ZW10: variants seen among roughly 807,000 people sequenced by gnomAD.
ZW10 encodes zw10 kinetochore protein, also known as centromere/kinetochore protein zw10 homolog.
ZW10 carries 53 observed loss-of-function variants against 87.8 expected under a neutral mutation model. The observed-to-expected ratio is 0.60, with a 90% CI of 0.48 to 0.76. ZW10 has a LOEUF of 0.76. Ranked by LOEUF, ZW10 falls within the 30% of genes least tolerant of loss-of-function variation. The pLI is 0.00. For missense variants in ZW10, 837 were observed against 923.0 expected (o/e 0.91, Z 1.21); for synonymous variants, 312 against 329.2 (o/e 0.95, Z 0.57).
At chr11:113,771,641 C>T (rs1377557338) in intron 1 of ZW10, 2 of 152,076 alleles carry the variant, frequency 1.3e-5, no homozygotes, top group African/African-American at 2.4e-5. Flanking sequence ...TCTCCTTTAT[C>T]TTTTAAAAAT....
chr11:113,734,680 C>A (rs928664994), intron 15 of ZW10, among the ~76,000 whole-genome samples: 2 of 152,022 alleles, frequency 1.3e-5, no homozygotes, highest in Non-Finnish European at 2.9e-5. Context: ...TGATGGGCAC[C>A]TTTAATCCCA....
chr11:113,734,106 C>G (rs569286222), intron 15 of ZW10, among the ~76,000 whole-genome samples: 7 of 152,308 alleles, frequency 4.6e-5, no homozygotes, highest in Admixed American at 3.9e-4. Context: ...TGACCATACT[C>G]TCATGCCTTA....
intron 1 of ZW10, chr11:113,771,356 A>C (rs1415108434): frequency 6.6e-6 from 1 of 152,272 alleles, no homozygotes; most frequent in African/African-American, 2.4e-5. Flanking sequence ...AGCCAAGGCC[A>C]TGCACATAAA....
intron 10 of ZW10, among the ~76,000 whole-genome samples, chr11:113,742,170 G>T (rs1194783026): frequency 1.3e-5 from 2 of 152,204 alleles, no homozygotes; most frequent in East Asian, 3.8e-4. Flanking sequence ...GGTTCTTTTA[G>T]AATCAGTCTG....
Position 113,736,687 on chromosome 11 carries a change from G to A in ZW10, c.2152C>T (p.Pro718Ser), listed in dbSNP as rs1953556891. The A allele has an allele frequency of 6.2e-7, 1 of 1,614,160 alleles. No individual in the cohort carries two copies. Among genetic ancestry groups the A allele is most frequent in the Non-Finnish European group, 8.5e-7 (1 of 1,180,030 alleles). The change falls in exon 15 of 16, where the codon CCA (proline) becomes TCA (serine). Residue 718 changes from proline to serine, a missense_variant. By Grantham distance (74) the Pro-to-Ser change is moderately conservative. Coordinates refer to ENST00000200135, the MANE Select transcript of ZW10 (RefSeq NM_004724.4). ...KYQEEVPVYV[P>S]KWMPFKELMM... is the part of the protein sequence containing the mutation. ...AATTCCTTGAATGGCATCCATTTTGGCACATAGACTGGAACCTCTTCTTGA... is the reference window on the plus strand; with the variant it reads ...AATTCCTTGAATGGCATCCATTTTGACACATAGACTGGAACCTCTTCTTGA...
chr11:113,756,897 AT>A (rs530997796), intron 7 of ZW10, among the ~76,000 whole-genome samples: 11 of 151,660 alleles, frequency 7.3e-5, no homozygotes, highest in Non-Finnish European at 1.0e-4. Context: ...AAGCCTTAGG[AT>A]TTTTTTTTCT....
intron 10 of ZW10, among the ~76,000 whole-genome samples, chr11:113,742,743 A>G (rs1953634977): frequency 6.6e-6 from 1 of 152,226 alleles, no homozygotes. Flanking sequence ...CATTTTGCCA[A>G]CAGTCACTCC....
chr11:113,762,878 A>G (rs1252014253), intron 2 of ZW10, among the ~76,000 whole-genome samples: 1 of 152,160 alleles, frequency 6.6e-6, no homozygotes, highest in African/African-American at 2.4e-5. Context: ...CGCTGTAGAA[A>G]AGTATTTTGT....
At chr11:113,762,456 A>T (rs1038479047) in intron 2 of ZW10, among the ~76,000 whole-genome samples, 3 of 152,170 alleles carry the variant, frequency 2.0e-5, no homozygotes, top group Admixed American at 6.5e-5. Context: ...ATTTATTTTT[A>T]AAAATTTTCT....
At chr11:113,748,520 A>T in intron 7 of ZW10, 100 bp from the exon 8 acceptor site, 1 of 980,068 alleles carries the variant, frequency 1.0e-6, no homozygotes, top group Non-Finnish European at 1.5e-6. Context: ...ATGATGGGGA[A>T]GAAAACAGCA....
intron 1 of ZW10, among the ~76,000 whole-genome samples, chr11:113,771,018 G>A (rs4430548): frequency 1.4e-5 from 2 of 145,856 alleles, no homozygotes; most frequent in African/African-American, 5.0e-5. Flanking sequence ...CGTCGCCCAG[G>A]CTGGACTGCA....
intron 5 of ZW10, 73 bp from the exon 6 acceptor site, chr11:113,758,779 A>G (rs927281543): frequency 1.0e-5 from 14 of 1,398,390 alleles, no homozygotes; most frequent in Admixed American, 9.0e-5. Context: ...CTCAGAGCTC[A>G]TTCTCTGATA....
intron 9 of ZW10, among the ~76,000 whole-genome samples, chr11:113,744,300 T>C (rs1364316035): frequency 6.6e-6 from 1 of 151,838 alleles, no homozygotes; most frequent in Non-Finnish European, 1.5e-5. Context: ...GGCAGGAGAA[T>C]GGCGCAAACC....
At chr11:113,736,898 G>T in intron 14 of ZW10, 76 bp from the exon 15 acceptor site, 1 of 1,383,546 alleles carries the variant, frequency 7.2e-7, no homozygotes, top group Non-Finnish European at 1.0e-6. Context: ...GCAGATCTTT[G>T]ATGCATGCTG....
chr11:113,757,797 C>G lies in ZW10; in HGVS notation c.790G>C (p.Ala264Pro). ...RPLASCPSLH[A>P]VIESQPNIVI... ...ATGTTAGGCTGGCTTTCTATCACAG[C>G]ATGAAGGGATGGGCAAGATGCCAGC... Residue 264 changes from alanine (A) to proline (P), a missense_variant, in exon 7 of 16, where the codon GCT becomes CCT. Ala to Pro is a conservative substitution (Grantham distance 27). Transcript: ENST00000200135. 1.2e-6 allele frequency: 2 copies of G among 1,613,414 alleles called. No homozygotes were observed. Among genetic ancestry groups the G allele is most frequent in the Non-Finnish European group, 1.7e-6 (2 of 1,179,582 alleles).
chr11:113,734,140 T>C (rs946051926), intron 15 of ZW10, among the ~76,000 whole-genome samples: 2 of 152,172 alleles, frequency 1.3e-5, no homozygotes, highest in Non-Finnish European at 2.9e-5. Context: ...TATTACAAAG[T>C]AACCACAGGC....
chr11:113,747,493 T>C lies in ZW10; in HGVS notation c.1272+38A>G, dbSNP rs766498820. 31 of 1,545,906 alleles carry C rather than the reference T, an allele frequency of 2.0e-5. No homozygotes were observed. In the African/African-American group the frequency reaches 3.1e-4, roughly 16 times the overall value. ...TCTCAAAATGAGTTGCTTTCTCATA[T>C]ACAATGTTTCATATACAATGCAATA... On this transcript the variant is annotated intron_variant, in intron 9 of 15. Coordinates refer to ENST00000200135, the MANE Select transcript of ZW10 (RefSeq NM_004724.4).
At position 113,747,781 on chromosome 11, in the gene ZW10, A is replaced by C. The variant is rs754308402; in HGVS notation, c.1090-68T>G. On this transcript the variant is annotated intron_variant, in intron 8 of 15. Coordinates refer to ENST00000200135, the MANE Select transcript of ZW10 (RefSeq NM_004724.4). ...ATTCCATTACAATATTAGAATTTCA[A>C]ATCCAATGTATAAAAAAATGAGGAC... 3.8e-4 allele frequency: 504 copies of C among 1,313,946 alleles called. 2 individuals are homozygous for C. The Middle Eastern group carries it at 8.8e-3, about 23-fold the overall frequency. 81.4% of individuals were successfully genotyped at this position (1,313,946 alleles called of 1,614,324 possible). A position where few individuals can be genotyped will look rare whatever the true frequency, so the allele number is the denominator to read the frequency against.
Position 113,738,398 on chromosome 11 carries a change from T to C in ZW10, c.1754-4A>G, listed in dbSNP as rs1189281011. The C allele has an allele frequency of 1.2e-6, 2 of 1,607,744 alleles. No homozygotes were observed. The highest frequency in any genetic ancestry group is 1.7e-5 in the Admixed American group (1 of 58,124). On this transcript the variant is annotated splice_polypyrimidine_tract_variant and splice_region_variant and intron_variant, in intron 12 of 15. Transcript: ENST00000200135. Reference sequence around the variant, plus strand: ...TGGGCCAAAAAGCATTCTGTCCCTATGATGGAAAAACAGAATAAAAAATTT... The same window carrying C: ...TGGGCCAAAAAGCATTCTGTCCCTACGATGGAAAAACAGAATAAAAAATTT...
Sources: gnomAD v4.1 joint callset for allele counts (sites outside exome capture counted in the v4.1 genomes callset) on GRCh38, gnomAD v4.1.1 for gene constraint, MANE v1.5 for transcripts, NCBI Gene and HGNC (gene_info 2026-07-23, HGNC 2026-07-21) for gene names.